Variants in RPL36 observed in about 807,000 individuals in gnomAD.
The protein encoded by RPL36 is large ribosomal subunit protein eL36.
For synonymous variants in RPL36, 74 were observed against 56.0 expected, an observed-to-expected ratio of 1.32 and a Z score of -1.44; for missense variants, 131 against 144.9, an observed-to-expected ratio of 0.90 and a Z score of 0.49.
intron 3 of RPL36, 36 bp downstream of exon 3, chr19:5,691,489 A>AT (rs1568307282): frequency 6.4e-7 from 1 of 1,553,888 alleles, no homozygotes; most frequent in Admixed American, 1.7e-5. Flanking sequence ...GCGGGGTGGG[A>AT]TGGGAGTCAG....
chr19:5,690,936 T>A, intron 2 of RPL36: 1 of 532,136 alleles, frequency 1.9e-6, no homozygotes. Context: ...GGATTTCAGG[T>A]GTGTCAGTGT....
chr19:5,690,611 G>A lies in RPL36; in HGVS notation c.93+11G>A. 6.4e-7 allele frequency: 1 copy of A among 1,552,774 alleles called. No individual in the cohort carries two copies. The highest frequency in any genetic ancestry group is 1.2e-5 in the South Asian group (1 of 84,466). On this transcript the variant is annotated intron_variant, in intron 2 of 3. Transcript: ENST00000347512. Reference sequence around the variant, plus strand: ...AGCCGACGCCGCGGGGTGAGTGCGGGTGCCGCGCGGAGGTTGTCGGGGGTT... The same window carrying A: ...AGCCGACGCCGCGGGGTGAGTGCGGATGCCGCGCGGAGGTTGTCGGGGGTT...
chr19:5,691,261 C>G (rs1166662571), intron 2 of RPL36, 58 bp from the exon 3 acceptor site: 4 of 1,609,538 alleles, frequency 2.5e-6, no homozygotes, highest in African/African-American at 1.3e-5. Context: ...GCGAGAGAAG[C>G]TGCTTAACTA....
At chr19:5,690,965 G>T (rs557872185) in intron 2 of RPL36, 16 of 526,268 alleles carry the variant, frequency 3.0e-5, no homozygotes, top group African/African-American at 2.7e-4. Flanking sequence ...CCTTTATTAA[G>T]CGGGCAGCGG....
In RPL36 at chr19:5,691,517, C is replaced by T. The variant is rs781647097; in HGVS notation, c.229-15C>T. 8 of 1,608,866 alleles carry T rather than the reference C, an allele frequency of 5.0e-6. No individual in the cohort carries two copies. The highest frequency in any genetic ancestry group is 2.2e-5 in the East Asian group (1 of 44,886). On this transcript the variant is annotated splice_polypyrimidine_tract_variant and intron_variant, in intron 3 of 3. Coordinates refer to ENST00000347512, the MANE Select transcript of RPL36 (RefSeq NM_033643.3). ...GGAGTCAGGGCCGGGCTGACGGCGGCCTCGTCCCTGGCAGGTGGGGACGCA... is the reference window on the plus strand; with the variant it reads ...GGAGTCAGGGCCGGGCTGACGGCGGTCTCGTCCCTGGCAGGTGGGGACGCA...
intron 2 of RPL36, 185 bp from the exon 3 acceptor site, chr19:5,691,134 T>C: frequency 2.6e-6 from 2 of 781,678 alleles, no homozygotes; most frequent in African/African-American, 1.7e-5. Flanking sequence ...TTGCGGAGAC[T>C]GGGACTTAGG....
intron 2 of RPL36, 39 bp from the exon 3 acceptor site, chr19:5,691,280 G>T (rs1213406987): frequency 6.2e-7 from 1 of 1,611,838 alleles, no homozygotes; most frequent in Non-Finnish European, 8.5e-7. Context: ...TAGAATGCAG[G>T]GATCCCCCTA....
At position 5,690,503 on chromosome 19, in the gene RPL36, C is replaced by T. The variant is rs747815027; in HGVS notation, c.-2-3C>T. 2.6e-6 allele frequency: 4 copies of T among 1,554,142 alleles called. No homozygotes were observed. The highest frequency in any genetic ancestry group is 1.4e-5 in the African/African-American group (1 of 73,456). On this transcript the variant is annotated splice_polypyrimidine_tract_variant and splice_region_variant and intron_variant, in intron 1 of 3. Coordinates refer to ENST00000347512, the MANE Select transcript of RPL36 (RefSeq NM_033643.3). ...CGCCCCTTCTCCCCGTCGCTGTCCG[C>T]AGCCATGGCCCTACGCTACCCTATG...
rs748738462 is a variant in RPL36 at position 5,691,327 on chromosome 19, C to G, written c.102C>G (p.Thr34=). The change falls in exon 3 of 4, where the codon ACC becomes ACG. Residue 34 remains threonine, a synonymous_variant. Transcript: ENST00000347512. The part of the protein sequence containing the change: ...PRHSRRRGRL[T]KHTKFVRDMI... ...GCCCCTTTCCCCCCTAGCGTCTGAC[C>G]AAACACACCAAGTTCGTGCGGGACA... The G allele has an allele frequency of 6.2e-7, 1 of 1,612,706 alleles. No homozygotes were observed. The highest frequency in any genetic ancestry group is 8.5e-7 in the Non-Finnish European group (1 of 1,180,030).
chr19:5,690,370 C>T (rs2054800490), intron 1 of RPL36, 43 bp downstream of exon 1: 1 of 717,736 alleles, frequency 1.4e-6, no homozygotes, highest in African/African-American at 1.7e-5. Flanking sequence ...GCCATCCGGA[C>T]TCCCGGGTCC....
rs764556219 is a variant in RPL36 at position 5,691,797 on chromosome 19, C to T, written c.*176C>T. 9 of 854,292 alleles carry T rather than the reference C, an allele frequency of 1.1e-5. No homozygotes were observed. The highest frequency in any genetic ancestry group is 1.6e-5 in the South Asian group (1 of 61,868). 52.9% of individuals were successfully genotyped at this position (854,292 alleles called of 1,614,324 possible). ...GTCGTGAATCAAAAGCCGTGGCCCGCCCACCCTTCCCGGGGCAGCAGGTGA... is the reference window on the plus strand; with the variant it reads ...GTCGTGAATCAAAAGCCGTGGCCCGTCCACCCTTCCCGGGGCAGCAGGTGA... On this transcript the variant is annotated 3_prime_UTR_variant, in exon 4 of 4. Transcript: ENST00000347512.
chr19:5,691,350 A>C lies in RPL36; in HGVS notation c.125A>C (p.Asp42Ala), dbSNP rs752105894. The C allele has an allele frequency of 6.2e-7, 1 of 1,613,104 alleles. No individual in the cohort carries two copies. Among genetic ancestry groups the C allele is most frequent in the Admixed American group, 1.7e-5 (1 of 60,000 alleles). ...RLTKHTKFVRDMIREVCGFAP... is the reference protein window; with the variant it reads ...RLTKHTKFVRAMIREVCGFAP... Reference sequence around the variant, plus strand: ...ACCAAACACACCAAGTTCGTGCGGGACATGATTCGGGAGGTGTGTGGCTTT... The same window carrying C: ...ACCAAACACACCAAGTTCGTGCGGGCCATGATTCGGGAGGTGTGTGGCTTT... Residue 42 changes from aspartate to alanine, a missense_variant, in exon 3 of 4, where the codon GAC becomes GCC. Transcript: ENST00000347512.
In RPL36 at chr19:5,691,757, T is replaced by A; in HGVS notation, c.*136T>A. 9.6e-7 allele frequency: 1 copy of A among 1,041,558 alleles called. No individual in the cohort carries two copies. The highest frequency in any genetic ancestry group is 1.4e-6 in the Non-Finnish European group (1 of 694,100). The allele number at this position is 1,041,558 out of a possible 1,614,324, so 64.5% of individuals were successfully genotyped here. A position where few individuals can be genotyped will look rare whatever the true frequency, so the allele number is the denominator to read the frequency against. The stretch of plus-strand genomic sequence containing the variant: ...GGTGCCCGCTCTGAGCCACACCCTC[T>A]CCGGGTGCTGCCTGGTCGTGAATCA... On this transcript the variant is annotated 3_prime_UTR_variant, in exon 4 of 4. Transcript: ENST00000347512.
chr19:5,690,717 C>A, intron 2 of RPL36, 117 bp downstream of exon 2: 1 of 803,992 alleles, frequency 1.2e-6, no homozygotes. Context: ...CTAAGGGGGG[C>A]TTGAATGGAA....
At chr19:5,690,863 T>C in intron 2 of RPL36, 1 of 580,418 alleles carries the variant, frequency 1.7e-6, no homozygotes, top group South Asian at 2.0e-5. Context: ...GGTTTGGGGT[T>C]CTGACGCAGG....
intron 2 of RPL36, 176 bp from the exon 3 acceptor site, chr19:5,691,143 G>C (rs867183899): frequency 7.2e-6 from 6 of 832,704 alleles, no homozygotes; most frequent in South Asian, 3.2e-5. Context: ...CTGGGACTTA[G>C]GGAGGATGGG....
At chr19:5,691,104 C>A (rs2054811743) in intron 2 of RPL36, 2 of 653,646 alleles carry the variant, frequency 3.1e-6, no homozygotes, top group East Asian at 2.7e-5. Flanking sequence ...AGCCCAGACT[C>A]CAGGTGCGTC....
rs1376860704 is a variant in RPL36 at position 5,691,842 on chromosome 19, A to C, written c.*221A>C. 1 of 810,974 alleles carries C rather than the reference A, an allele frequency of 1.2e-6. No individual in the cohort carries two copies. Among genetic ancestry groups the C allele is most frequent in the African/African-American group, 1.7e-5 (1 of 58,398 alleles). The allele number at this position is 810,974 out of a possible 1,614,324, so 50.2% of individuals were successfully genotyped here. A position where few individuals can be genotyped will look rare whatever the true frequency, so the allele number is the denominator to read the frequency against. The stretch of plus-strand genomic sequence containing the variant: ...AGGTGAGGAAGCCGCCGTACTGCAA[A>C]TGACTTTAATCATTAAATAGCTTCT... On this transcript the variant is annotated 3_prime_UTR_variant, in exon 4 of 4. Coordinates refer to ENST00000347512, the MANE Select transcript of RPL36 (RefSeq NM_033643.3).
intron 2 of RPL36, chr19:5,690,807 C>T: frequency 6.5e-6 from 4 of 616,130 alleles, no homozygotes; most frequent in Non-Finnish European, 1.2e-5. Flanking sequence ...ACCGTGCAAT[C>T]CACGCTGGGG....
Sources: gnomAD v4.1 joint callset for allele counts on GRCh38, gnomAD v4.1.1 for gene constraint, MANE v1.5 for transcripts, NCBI Gene and HGNC (gene_info 2026-07-23, HGNC 2026-07-21) for gene names.